DDX46: variants seen among roughly 807,000 people sequenced by gnomAD.
DDX46 encodes the protein DEAD-box helicase 46, also known as probable ATP-dependent RNA helicase DDX46.
In DDX46, 30 loss-of-function variants were observed where a neutral mutation model predicts 134.9. That is an observed-to-expected ratio of 0.22 (90% CI 0.17 to 0.30). The LOEUF is 0.30. Among genes scored for constraint, DDX46 ranks in the 10% least tolerant of loss-of-function variants. The pLI is 1.00. For synonymous variants in DDX46, 415 were observed against 404.1 expected, an observed-to-expected ratio of 1.03 and a Z score of -0.32; for missense variants, 622 against 1,248.7, an observed-to-expected ratio of 0.50 and a Z score of 7.56.
chr5:134,806,959 A>G (rs1755005976), intron 15 of DDX46, among the ~76,000 whole-genome samples: 1 of 152,150 alleles, frequency 6.6e-6, no homozygotes, highest in Non-Finnish European at 1.5e-5. Context: ...CAGTATTCCT[A>G]AAACTTTAAT....
At chr5:134,763,222 G>A (rs914730285) in intron 1 of DDX46, among the ~76,000 whole-genome samples, 2 of 152,018 alleles carry the variant, frequency 1.3e-5, no homozygotes, top group African/African-American at 2.4e-5. Flanking sequence ...AATAGAGTGA[G>A]GCCTGTTTCT....
intron 21 of DDX46, among the ~76,000 whole-genome samples, chr5:134,823,984 A>G (rs1755524039): frequency 2.0e-5 from 3 of 152,248 alleles, no homozygotes; most frequent in Admixed American, 2.0e-4. Flanking sequence ...TTTGCTTTGA[A>G]AAAGAATTCT....
intron 4 of DDX46, among the ~76,000 whole-genome samples, chr5:134,773,281 A>G (rs926888744): frequency 1.3e-5 from 2 of 152,174 alleles, no homozygotes; most frequent in African/African-American, 4.8e-5. Context: ...TCTAACTTGT[A>G]ATAGAAAATT....
rs1231732137 is a variant in DDX46 at position 134,811,804 on chromosome 5, C to T, written c.2395C>T (p.Leu799Phe). Residue 799 changes from leucine to phenylalanine, a missense_variant, in exon 18 of 23, where the codon CTT (leucine) becomes TTT (phenylalanine). Coordinates refer to ENST00000452510, the MANE Select transcript of DDX46 (RefSeq NM_001300860.2). ...NERKKLQKAALGLQDSDDEDA... is the reference protein window; with the variant it reads ...NERKKLQKAAFGLQDSDDEDA... ...GAGGAAGAAGTTACAAAAAGCAGCT[C>T]TTGGTCTACAAGATTCAGATGATGA... The T allele has an allele frequency of 7.4e-6, 12 of 1,613,678 alleles. No individual in the cohort carries two copies. Among genetic ancestry groups the T allele is most frequent in the Admixed American group, 1.7e-5 (1 of 59,926 alleles).
chr5:134,801,500 C>T (rs1754826826), intron 15 of DDX46, among the ~76,000 whole-genome samples: 1 of 152,112 alleles, frequency 6.6e-6, no homozygotes, highest in Non-Finnish European at 1.5e-5. Flanking sequence ...CAGGCTCAAG[C>T]GATGCTCCCA....
At chr5:134,764,916 T>C (rs1195772262) in intron 2 of DDX46, among the ~76,000 whole-genome samples, 2 of 151,716 alleles carry the variant, frequency 1.3e-5, no homozygotes, top group Non-Finnish European at 2.9e-5. Flanking sequence ...TCTCTTTCTC[T>C]TTCTTTCTTC....
In DDX46 at chr5:134,785,688, G is replaced by A. The variant is rs1754310506; in HGVS notation, c.1464+102G>A. 14 of 1,343,738 alleles carry A rather than the reference G, an allele frequency of 1.0e-5. No homozygotes were observed. In the South Asian group the frequency reaches 1.7e-4, roughly 16 times the overall value. 83.2% of individuals were successfully genotyped at this position (1,343,738 alleles called of 1,614,324 possible). A position where few individuals can be genotyped will look rare whatever the true frequency, so the allele number is the denominator to read the frequency against. On this transcript the variant is annotated intron_variant, in intron 11 of 22. Coordinates refer to ENST00000452510, the MANE Select transcript of DDX46 (RefSeq NM_001300860.2). Reference sequence around the variant, plus strand: ...ACTTTTAGTTTTTTGAATAGTGATTGCTTCTAAAATCATTTAAAAAATGAA... The same window carrying A: ...ACTTTTAGTTTTTTGAATAGTGATTACTTCTAAAATCATTTAAAAAATGAA...
chr5:134,770,663 T>C (rs1340480610), intron 3 of DDX46, among the ~76,000 whole-genome samples: 1 of 151,936 alleles, frequency 6.6e-6, no homozygotes, highest in Non-Finnish European at 1.5e-5. Context: ...AATACAAAAA[T>C]TATATGAGTG....
In DDX46 at chr5:134,828,965, G is replaced by A. The variant is rs1294278085; in HGVS notation, c.*259G>A. 7.0e-6 allele frequency: 2 copies of A among 286,478 alleles called. No individual in the cohort carries two copies. The highest frequency in any genetic ancestry group is 1.3e-5 in the Non-Finnish European group (2 of 156,062). 17.7% of individuals were successfully genotyped at this position (286,478 alleles called of 1,614,324 possible). On this transcript the variant is annotated 3_prime_UTR_variant, in exon 23 of 23. Coordinates refer to ENST00000452510, the MANE Select transcript of DDX46 (RefSeq NM_001300860.2). ...TCAAATATCAATATTTTAAATGTCC[G>A]GATAATATTCTAGAGGTTTAAAAAA...
rs369854954 is a variant in DDX46 at position 134,781,286 on chromosome 5, C to T, written c.879+40C>T. On this transcript the variant is annotated intron_variant, in intron 7 of 22. Coordinates refer to ENST00000452510, the MANE Select transcript of DDX46 (RefSeq NM_001300860.2). ...TTTTGACTTTGTTTATGATACTATCCTGGAAGCATTTATTAGAAAGCATTC... is the reference window on the plus strand; with the variant it reads ...TTTTGACTTTGTTTATGATACTATCTTGGAAGCATTTATTAGAAAGCATTC... The T allele has an allele frequency of 6.2e-6, 9 of 1,461,498 alleles. No individual in the cohort carries two copies. The African/African-American group carries it at 1.3e-4, about 21-fold the overall frequency. The allele number at this position is 1,461,498 out of a possible 1,614,324, so 90.5% of individuals were successfully genotyped here. A position where few individuals can be genotyped will look rare whatever the true frequency, so the allele number is the denominator to read the frequency against.
At chr5:134,791,187 G>A (rs574337511) in intron 13 of DDX46, among the ~76,000 whole-genome samples, 1 of 152,276 alleles carries the variant, frequency 6.6e-6, no homozygotes, top group African/African-American at 2.4e-5. Flanking sequence ...TAGATAGCAC[G>A]TCATTTACGT....
At chr5:134,823,370 A>T (rs926612556) in intron 21 of DDX46, among the ~76,000 whole-genome samples, 3 of 151,344 alleles carry the variant, frequency 2.0e-5, no homozygotes, top group African/African-American at 7.3e-5. Flanking sequence ...CGATCTCCTG[A>T]CCTCGTGATC....
chr5:134,761,433 G>T (rs1334165968), intron 1 of DDX46, among the ~76,000 whole-genome samples: 1 of 152,218 alleles, frequency 6.6e-6, no homozygotes, highest in Non-Finnish European at 1.5e-5. Context: ...CGTTTGGGGA[G>T]GGAAGGGTAA....
intron 6 of DDX46, 95 bp downstream of exon 6, chr5:134,777,820 G>A (rs114341931): frequency 2.8e-6 from 4 of 1,418,164 alleles, no homozygotes; most frequent in South Asian, 1.5e-5. Flanking sequence ...ACTTTGTAAA[G>A]CTAACAGTTT....
At chr5:134,792,303 A>G (rs1194821350) in intron 13 of DDX46, among the ~76,000 whole-genome samples, 1 of 152,166 alleles carries the variant, frequency 6.6e-6, no homozygotes, top group African/African-American at 2.4e-5. Flanking sequence ...TTTCATCCCA[A>G]GGAGTACAAA....
Position 134,773,780 on chromosome 5 carries a change from G to A in DDX46, c.532G>A (p.Ala178Thr). 2 of 1,613,280 alleles carry A rather than the reference G, an allele frequency of 1.2e-6. No individual in the cohort carries two copies. The highest frequency in any genetic ancestry group is 1.7e-6 in the Non-Finnish European group (2 of 1,179,730). ...EKWREEQRKKAMENIGELKKE... is the reference protein window; with the variant it reads ...EKWREEQRKKTMENIGELKKE... ...ATGGCGAGAAGAGCAACGTAAAAAG[G>A]CTATGGAAAACATAGGAGAACTGAA... The change falls in exon 5 of 23, where the codon GCT becomes ACT. Residue 178 changes from alanine (A) to threonine (T), a missense_variant. Physicochemically the swap from Ala to Thr is moderately conservative, Grantham distance 58. This residue lies in a region of DDX46 where 244 missense variants were observed against 349.3 expected (regional missense o/e 0.70). Transcript: ENST00000452510.
At chr5:134,818,793 G>C (rs758004854) in intron 20 of DDX46, 67 bp from the exon 21 acceptor site, 1 of 1,459,420 alleles carries the variant, frequency 6.9e-7, no homozygotes, top group Middle Eastern at 1.9e-4. Flanking sequence ...CCTAGTCTTT[G>C]TCAGCACTCC....
At chr5:134,809,143 C>T (rs1755069730) in intron 16 of DDX46, among the ~76,000 whole-genome samples, 2 of 152,128 alleles carry the variant, frequency 1.3e-5, no homozygotes, top group Admixed American at 6.6e-5. Flanking sequence ...TTCTTCTAAC[C>T]TGTTGGAAGG....
rs1243349156 is a variant in DDX46, at chr5:134,790,487, C to T, written c.1561C>T (p.Arg521Ter). The T allele has an allele frequency of 1.2e-6, 2 of 1,611,290 alleles. No individual in the cohort carries two copies. The highest frequency in any genetic ancestry group is 1.7e-4 in the Middle Eastern group (1 of 5,838). Reference protein sequence around the residue: ...AANSGRVTNLRRVTYVVLDEA... With the variant: ...AANSGRVTNL ...CATCTTAGGTCGGGTCACAAATCTT[C>T]GAAGAGTGACATATGTTGTTTTAGA... The change falls in exon 13 of 23, where the codon CGA (arginine) becomes TGA (stop). Residue 521 changes from arginine to a stop codon, truncating the protein, a stop_gained. Transcript: ENST00000452510. LOFTEE classifies it high-confidence loss of function.
Sources: allele counts gnomAD v4.1 joint callset (sites outside exome capture counted in the v4.1 genomes callset), GRCh38; gene constraint gnomAD v4.1.1; regional missense constraint gnomAD v4.1.1; transcripts MANE v1.5; gene names NCBI Gene and HGNC (gene_info 2026-07-23, HGNC 2026-07-21).